ERN1: variants seen among roughly 807,000 people sequenced by gnomAD.
The protein encoded by ERN1 is serine/threonine-protein kinase/endoribonuclease IRE1.
ERN1 carries 39 observed loss-of-function variants against 113.1 expected under a neutral mutation model. The observed-to-expected ratio is 0.34, with a 90% CI of 0.27 to 0.45. ERN1 has a LOEUF of 0.45. ERN1 is among the 20% of genes least tolerant of loss of function. The pLI, the probability that ERN1 is intolerant of heterozygous loss-of-function variation, is 1.00. For synonymous variants in ERN1, 507 were observed against 515.9 expected, an observed-to-expected ratio of 0.98 and a Z score of 0.23; for missense variants, 976 against 1,274.8, an observed-to-expected ratio of 0.77 and a Z score of 3.57.
intron 2 of ERN1, among the ~76,000 whole-genome samples, chr17:64,082,319 T>G (rs1194795539): frequency 6.6e-6 from 1 of 151,808 alleles, no homozygotes; most frequent in Non-Finnish European, 1.5e-5. Context: ...ATTAATCACC[T>G]CTCGGTACAC....
intron 1 of ERN1, among the ~76,000 whole-genome samples, chr17:64,101,926 G>T (rs1914395975): frequency 6.6e-6 from 1 of 152,134 alleles, no homozygotes; most frequent in African/African-American, 2.4e-5. Flanking sequence ...TGCCTTGTCT[G>T]AGCATCTTGG....
chr17:64,089,633 C>A (rs1017135632), intron 2 of ERN1, among the ~76,000 whole-genome samples: 2 of 152,042 alleles, frequency 1.3e-5, no homozygotes, highest in African/African-American at 4.8e-5. Flanking sequence ...GGCATTGAGG[C>A]ACAAAATGAA....
intron 10 of ERN1, among the ~76,000 whole-genome samples, chr17:64,062,643 A>G (rs1913089786): frequency 6.6e-6 from 1 of 152,200 alleles, no homozygotes; most frequent in Non-Finnish European, 1.5e-5. Flanking sequence ...TCATATATAC[A>G]CATTTCCTTA....
chr17:64,062,198 T>C (rs935284778), intron 10 of ERN1, among the ~76,000 whole-genome samples: 1 of 152,268 alleles, frequency 6.6e-6, no homozygotes, highest in African/African-American at 2.4e-5. Context: ...CCCGGGCTTA[T>C]ATATGCCTAG....
intron 2 of ERN1, among the ~76,000 whole-genome samples, chr17:64,084,600 T>C (rs1913868416): frequency 6.6e-6 from 1 of 152,200 alleles, no homozygotes; most frequent in African/African-American, 2.4e-5. Flanking sequence ...GTCAAGACTA[T>C]AAGTCAATGC....
intron 2 of ERN1, among the ~76,000 whole-genome samples, chr17:64,085,870 T>C (rs1253163784): frequency 6.6e-6 from 1 of 152,192 alleles, no homozygotes; most frequent in Non-Finnish European, 1.5e-5. Flanking sequence ...TTCAAACTAC[T>C]CCTTGCCTCA....
At chr17:64,077,667 A>C (rs1284919788) in intron 4 of ERN1, among the ~76,000 whole-genome samples, 13 of 151,202 alleles carry the variant, frequency 8.6e-5, no homozygotes, top group Non-Finnish European at 1.9e-4. Flanking sequence ...TGTGGATGTT[A>C]TTTGGCCACC....
At chr17:64,055,539 C>A in intron 13 of ERN1, 136 bp downstream of exon 13, 1 of 851,388 alleles carries the variant, frequency 1.2e-6, no homozygotes, top group South Asian at 2.2e-5. Flanking sequence ...CCACAGAGAC[C>A]CCCAGAGTGG....
intron 1 of ERN1, among the ~76,000 whole-genome samples, chr17:64,119,437 G>A (rs1914898969): frequency 7.8e-6 from 1 of 128,078 alleles, no homozygotes; most frequent in African/African-American, 3.0e-5. Context: ...TCCCCAGGCT[G>A]GAGTGCAGTG....
At chr17:64,059,603 C>T (rs1912987540) in intron 11 of ERN1, among the ~76,000 whole-genome samples, 1 of 152,184 alleles carries the variant, frequency 6.6e-6, no homozygotes, top group Non-Finnish European at 1.5e-5. Context: ...GGGTTTTTGA[C>T]TGGGTAAAGC....
intron 16 of ERN1, 63 bp from the exon 17 acceptor site, chr17:64,053,042 G>C (rs1912737194): frequency 1.1e-5 from 10 of 927,556 alleles, no homozygotes; most frequent in Non-Finnish European, 1.3e-5. Flanking sequence ...TCCTCCAATG[G>C]GGAATGTGTC....
At chr17:64,087,946 G>C (rs1183816612) in intron 2 of ERN1, among the ~76,000 whole-genome samples, 1 of 152,080 alleles carries the variant, frequency 6.6e-6, no homozygotes, top group Non-Finnish European at 1.5e-5. Flanking sequence ...GAAAACATGG[G>C]GTGATAAGTC....
At chr17:64,086,257 C>T (rs935921929) in intron 2 of ERN1, among the ~76,000 whole-genome samples, 1 of 152,212 alleles carries the variant, frequency 6.6e-6, no homozygotes, top group Admixed American at 6.5e-5. Context: ...AGAACATTTC[C>T]ATCACCCTAA....
Position 64,119,376 on chromosome 17 carries a change from G to GTTGTTTTTTTT in ERN1, c.54+10599_54+10600insAAAAAAAACAA, listed in dbSNP as rs777806993. On this transcript the variant is annotated intron_variant, in intron 1 of 21. Coordinates refer to ENST00000433197, the MANE Select transcript of ERN1 (RefSeq NM_001433.5). ...TAATATTAGGTTCCTTTTTTTCTAG[G>GTTGTTTTTTTT]TTTTTTTTTTTTTTTTTTTTTTTTT... is the stretch of plus-strand genomic sequence containing the variant. Among the ~76,000 whole-genome samples, 25 of 77,906 alleles carry GTTGTTTTTTTT rather than the reference G, an allele frequency of 3.2e-4. 1 individual carries two copies. Among genetic ancestry groups the GTTGTTTTTTTT allele is most frequent in the African/African-American group, 8.9e-4 (16 of 17,948 alleles). The allele number at this position is 77,906 out of a possible 152,430, so 51.1% of individuals were successfully genotyped here.
At position 64,085,946 on chromosome 17, in the gene ERN1, T is replaced by A. The variant is rs181295827; in HGVS notation, c.176-5138A>T. ...ATAGGGGATATTAAGGGAGACTGAG[T>A]GAGCTTGCTGAAACTTCCTACCCTT... On this transcript the variant is annotated intron_variant, in intron 2 of 21. Coordinates refer to ENST00000433197, the MANE Select transcript of ERN1 (RefSeq NM_001433.5). 7.9e-5 allele frequency among the ~76,000 whole-genome samples: 12 copies of A among 152,280 alleles called. No homozygotes were observed. The East Asian group carries it at 2.1e-3, about 27-fold the overall frequency.
In ERN1 at chr17:64,040,982, A is replaced by T. The variant is rs1412398668; in HGVS notation, c.*3006T>A. On this transcript the variant is annotated 3_prime_UTR_variant, in exon 22 of 22. Coordinates refer to ENST00000433197, the MANE Select transcript of ERN1 (RefSeq NM_001433.5). ...AACATGGGGAAACCCCGTCTCTACT[A>T]AAAAAAATATAAAAAATTAGCCGAG... 6.6e-6 allele frequency: 1 copy of T among 151,638 alleles called. No homozygotes were observed. Among genetic ancestry groups the T allele is most frequent in the Non-Finnish European group, 1.5e-5 (1 of 67,854 alleles). 9.4% of individuals were successfully genotyped at this position (151,638 alleles called of 1,614,324 possible).
chr17:64,065,619 C>T (rs906868745), intron 8 of ERN1, among the ~76,000 whole-genome samples: 4 of 152,092 alleles, frequency 2.6e-5, no homozygotes, highest in Non-Finnish European at 2.9e-5. Context: ...TTACTACCAC[C>T]GCCGAGGCCC....
At chr17:64,082,458 G>T (rs1280048128) in intron 2 of ERN1, among the ~76,000 whole-genome samples, 1 of 152,186 alleles carries the variant, frequency 6.6e-6, no homozygotes, top group Non-Finnish European at 1.5e-5. Context: ...AAGCCAAGAA[G>T]AGCAAGAATA....
chr17:64,073,820 C>T (rs963777071), intron 5 of ERN1, among the ~76,000 whole-genome samples: 3 of 152,022 alleles, frequency 2.0e-5, no homozygotes, highest in African/African-American at 7.2e-5. Flanking sequence ...AAAAATGTTT[C>T]TTCTGTAGAG....
Sources: gnomAD v4.1 joint callset for allele counts (sites outside exome capture counted in the v4.1 genomes callset) on GRCh38, gnomAD v4.1.1 for gene constraint, MANE v1.5 for transcripts, NCBI Gene and HGNC (gene_info 2026-07-23, HGNC 2026-07-21) for gene names.